Variants in TACC3 observed in about 807,000 individuals in gnomAD.
The protein encoded by TACC3 is transforming acidic coiled-coil containing protein 3.
In TACC3, 52 loss-of-function variants were observed where a neutral mutation model predicts 86.0. The ratio of observed to expected loss-of-function variants is 0.60; its 90% CI spans 0.48 to 0.76. The LOEUF (loss-of-function observed/expected upper bound fraction) is 0.76, where lower values mean the gene tolerates loss of function less well. Ranked by LOEUF, TACC3 falls within the 30% of genes least tolerant of loss-of-function variation. TACC3 has a pLI of 0.00. For missense variants in TACC3, 1,120 were observed against 1,070.4 expected (o/e 1.05, Z -0.65); for synonymous variants, 512 against 430.0 (o/e 1.19, Z -2.36).
Position 1,744,772 on chromosome 4 carries a change from G to A in TACC3, c.2391G>A (p.Gln797=), listed in dbSNP as rs753954692. ...SKAQAEALAL[Q]ASLRKEQMRI... ...CCCAGGCGGAAGCGTTGGCCCTCCAGGCCAGCCTGAGGAAGGAGCAGATGC... is the reference window on the plus strand; with the variant it reads ...CCCAGGCGGAAGCGTTGGCCCTCCAAGCCAGCCTGAGGAAGGAGCAGATGC... The change falls in exon 15 of 16, where the codon CAG becomes CAA. Residue 797 remains glutamine, a synonymous_variant. Coordinates refer to ENST00000313288, the MANE Select transcript of TACC3 (RefSeq NM_006342.3). The A allele has an allele frequency of 1.4e-5, 22 of 1,612,730 alleles. No individual in the cohort carries two copies. Among genetic ancestry groups the A allele is most frequent in the East Asian group, 2.2e-5 (1 of 44,892 alleles).
chr4:1,722,695 T>C (rs553030798), intron 1 of TACC3, among the ~76,000 whole-genome samples: 12 of 152,292 alleles, frequency 7.9e-5, no homozygotes, highest in African/African-American at 2.6e-4. Context: ...GCAGCCTTTT[T>C]CCCTACGTCA....
intron 3 of TACC3, among the ~76,000 whole-genome samples, chr4:1,726,703 A>G (rs1232087281): frequency 6.6e-6 from 1 of 152,218 alleles, no homozygotes; most frequent in East Asian, 1.9e-4. Context: ...TGGAGGCCAC[A>G]CAGAGGACTG....
chr4:1,734,968 A>G (rs1367554439), intron 6 of TACC3, among the ~76,000 whole-genome samples: 1 of 152,272 alleles, frequency 6.6e-6, no homozygotes, highest in Non-Finnish European at 1.5e-5. Context: ...GGTAATTTTA[A>G]AGACTAATAG....
At chr4:1,720,906 G>C, upstream of TACC3, 1 of 1,327,490 alleles carries the variant, frequency 7.5e-7, no homozygotes, top group Non-Finnish European at 9.7e-7. The surrounding 1 kb of genome is among the most constrained non-coding windows in gnomAD (Gnocchi z 4.4). Context: ...GCAGCGCCCA[G>C]TCCCGGACCT....
intron 13 of TACC3, among the ~76,000 whole-genome samples, chr4:1,743,737 C>G (rs1324123968): frequency 2.6e-5 from 4 of 152,138 alleles, no homozygotes; most frequent in Non-Finnish European, 5.9e-5. Flanking sequence ...GAGGCTTGAC[C>G]TGTGCACACG....
At chr4:1,722,714 A>G (rs1362402918) in intron 1 of TACC3, among the ~76,000 whole-genome samples, 1 of 151,980 alleles carries the variant, frequency 6.6e-6, no homozygotes, top group Non-Finnish European at 1.5e-5. Context: ...CATTCCCTAG[A>G]CTGGGAACGC....
intron 9 of TACC3, 119 bp downstream of exon 9, chr4:1,737,447 G>C: frequency 8.5e-7 from 1 of 1,170,030 alleles, no homozygotes; most frequent in Non-Finnish European, 1.2e-6. Flanking sequence ...GGGGGCATGG[G>C]GCCGCTGTGC....
intron 13 of TACC3, 68 bp from the exon 14 acceptor site, chr4:1,744,450 A>G: frequency 6.9e-7 from 1 of 1,457,012 alleles, no homozygotes; most frequent in Non-Finnish European, 9.5e-7. Context: ...GCAGGTCCCC[A>G]GACACCAAGC....
rs143765065 is a variant in TACC3 at position 1,722,309 on chromosome 4, C to G, written c.-2+666C>G. Among the ~76,000 whole-genome samples the G allele has an allele frequency of 1.1e-3, 173 of 152,312 alleles. 3 individuals are homozygous for G. Among genetic ancestry groups the G allele is most frequent in the East Asian group, 0.011 (56 of 5,176 alleles). On this transcript the variant is annotated intron_variant, in intron 1 of 15. Coordinates refer to ENST00000313288, the MANE Select transcript of TACC3 (RefSeq NM_006342.3). ...CTCCGAGTCACTTTCTCCCTGAGTTCGAGGCTTGCGGGTCCCCCAGCGATC... is the reference window on the plus strand; with the variant it reads ...CTCCGAGTCACTTTCTCCCTGAGTTGGAGGCTTGCGGGTCCCCCAGCGATC...
chr4:1,726,425 C>T (rs965316641), intron 3 of TACC3, among the ~76,000 whole-genome samples: 2 of 152,174 alleles, frequency 1.3e-5, no homozygotes, highest in African/African-American at 4.8e-5. Flanking sequence ...TTTACCACGC[C>T]CCCTGCTGGC....
At chr4:1,739,558 G>T in intron 10 of TACC3, 144 bp from the exon 11 acceptor site, 1 of 742,316 alleles carries the variant, frequency 1.3e-6, no homozygotes, top group Non-Finnish European at 2.2e-6. Flanking sequence ...GGTTCCCAGG[G>T]TCCCACTGGA....
chr4:1,743,985 C>T (rs183089484), intron 13 of TACC3, among the ~76,000 whole-genome samples: 3 of 152,276 alleles, frequency 2.0e-5, no homozygotes, highest in Admixed American at 6.5e-5. Context: ...AGGAAGAAGG[C>T]AGGTAGGCTG....
chr4:1,727,663 C>T (rs538214567), intron 3 of TACC3, 45 bp from the exon 4 acceptor site: 31 of 1,538,378 alleles, frequency 2.0e-5, no homozygotes, highest in African/African-American at 2.8e-5. Flanking sequence ...CCCCTAACCT[C>T]ACCAGGTACT....
At chr4:1,727,285 C>A (rs1717734767) in intron 3 of TACC3, among the ~76,000 whole-genome samples, 1 of 152,216 alleles carries the variant, frequency 6.6e-6, no homozygotes. Flanking sequence ...GCAGCCTGTG[C>A]TGTGTGCATG....
chr4:1,732,308 C>T (rs370187343), intron 6 of TACC3, among the ~76,000 whole-genome samples: 31 of 129,622 alleles, frequency 2.4e-4, no homozygotes, highest in Admixed American at 4.0e-4. Context: ...ACGGTTTGTC[C>T]GTAAGATTGG....
intron 1 of TACC3, among the ~76,000 whole-genome samples, chr4:1,722,573 C>T (rs1252734895): frequency 1.3e-5 from 2 of 152,196 alleles, no homozygotes; most frequent in African/African-American, 2.4e-5. Flanking sequence ...CCTCTCTCTT[C>T]TCCAGGACCC....
intron 1 of TACC3, chr4:1,721,968 C>T (rs1200366845): frequency 6.6e-6 from 1 of 152,382 alleles, no homozygotes; most frequent in Admixed American, 6.5e-5. Context: ...CACCTTGGCT[C>T]TTTGTTGGCT....
intron 3 of TACC3, among the ~76,000 whole-genome samples, chr4:1,726,355 G>T (rs55867027): frequency 0.2 from 30,278 of 152,074 alleles, 3,439 homozygotes; most frequent in Non-Finnish European, 0.26. Flanking sequence ...ACTGTCCCTG[G>T]CCACAGCACT....
chr4:1,727,913 C>G lies in TACC3; in HGVS notation c.511C>G (p.Pro171Ala). 6.2e-7 allele frequency: 1 copy of G among 1,613,978 alleles called. No homozygotes were observed. The highest frequency in any genetic ancestry group is 1.1e-5 in the South Asian group (1 of 91,090). ...AAGTTCTGAGAACCAAATGGTGTCT[C>G]CAGGAAAAGTGTCTGGCAGCCCTGA... is the stretch of plus-strand genomic sequence containing the variant. ...PGSSENQMVS[P>A]GKVSGSPEQA... Residue 171 changes from proline (P) to alanine (A), a missense_variant, in exon 4 of 16, where the codon CCA becomes GCA. By Grantham distance (27) the Pro-to-Ala change is conservative. Coordinates refer to ENST00000313288, the MANE Select transcript of TACC3 (RefSeq NM_006342.3).
Sources: allele counts gnomAD v4.1 joint callset (sites outside exome capture counted in the v4.1 genomes callset), GRCh38; gene constraint gnomAD v4.1.1; non-coding constraint Gnocchi (gnomAD v3.1); transcripts MANE v1.5; gene names NCBI Gene and HGNC (gene_info 2026-07-23, HGNC 2026-07-21).